Variants in PTPRS observed in about 807,000 individuals in gnomAD.
The protein encoded by PTPRS is protein tyrosine phosphatase receptor type S.
In PTPRS, 63 loss-of-function variants were observed where a neutral mutation model predicts 215.3. That is an observed-to-expected ratio of 0.29 (90% CI 0.24 to 0.36). The LOEUF (loss-of-function observed/expected upper bound fraction) is 0.36, where lower values mean the gene tolerates loss of function less well. Ranked by LOEUF, PTPRS falls within the 10% of genes least tolerant of loss-of-function variation. The probability of loss-of-function intolerance (pLI) is 1.00; values close to 1 mark genes in which losing one functional copy is unlikely to be tolerated. For missense variants in PTPRS, 2,258 were observed against 2,825.8 expected (o/e 0.80, Z 4.56); for synonymous variants, 1,404 against 1,191.4 (o/e 1.18, Z -3.68).
chr19:5,331,127 T>TAAAAAA (rs1568622692), intron 1 of PTPRS, among the ~76,000 whole-genome samples: 15 of 80,698 alleles, frequency 1.9e-4, no homozygotes, highest in African/African-American at 6.6e-4. Context: ...GCTTCTTTTT[T>TAAAAAA]TAAAAAAAAA....
Position 5,287,963 on chromosome 19 carries a change from G to GGC in PTPRS, c.-94-1731_-94-1730dup, listed in dbSNP as rs1267727266. 8.1e-5 allele frequency among the ~76,000 whole-genome samples: 7 copies of GGC among 86,644 alleles called. No individual in the cohort carries two copies. The highest frequency in any genetic ancestry group is 1.6e-4 in the African/African-American group (3 of 18,272). 56.8% of individuals were successfully genotyped at this position (86,644 alleles called of 152,430 possible). A position where few individuals can be genotyped will look rare whatever the true frequency, so the allele number is the denominator to read the frequency against. On this transcript the variant is annotated intron_variant, in intron 1 of 37. Coordinates refer to ENST00000262963, the MANE Select transcript of PTPRS (RefSeq NM_002850.4). The surrounding 1 kb of genome is among the most constrained non-coding windows in gnomAD (Gnocchi z 4.8). ...TTCACACAGTCAGGCAGCAGAGACG[G>GGC]GCACACACACACACACACACACACA...
intron 18 of PTPRS, among the ~76,000 whole-genome samples, 171 bp from the exon 19 acceptor site, chr19:5,222,391 T>TGTCCC (rs1568402435): frequency 4.7e-5 from 7 of 149,088 alleles, no homozygotes; most frequent in Non-Finnish European, 8.9e-5. Context: ...TGCCCTGTCC[T>TGTCCC]GTCCCAAGTC....
At position 5,210,413 on chromosome 19, in the gene PTPRS, CCCTTTCCAGAT is replaced by C. The variant is rs1406336412; in HGVS notation, c.5487+45_5487+55del. 4.3e-5 allele frequency: 70 copies of C among 1,610,996 alleles called. No individual in the cohort carries two copies. The African/African-American group carries it at 8.7e-4, about 20-fold the overall frequency. On this transcript the variant is annotated intron_variant, in intron 35 of 37. Coordinates refer to ENST00000262963, the MANE Select transcript of PTPRS (RefSeq NM_002850.4). This position sits in a 1 kb window ranked among gnomAD's most constrained non-coding sequence, Gnocchi z 4.5. ...TTGTATCCATCACCAACCAGGGCAG[CCCTTTCCAGAT>C]CACTAAGGCTCCAGCCCCTCCCGCC...
intron 2 of PTPRS, among the ~76,000 whole-genome samples, chr19:5,282,184 C>T (rs1380062958): frequency 1.3e-5 from 2 of 152,088 alleles, no homozygotes; most frequent in African/African-American, 2.4e-5. Flanking sequence ...TGCCTGCTCT[C>T]GGATTTGGAG....
At chr19:5,219,029 C>T (rs909705184) in intron 23 of PTPRS, 4 of 631,590 alleles carry the variant, frequency 6.3e-6, no homozygotes, top group Admixed American at 6.0e-5. Context: ...ACTACAATTG[C>T]TATCCTCATT....
chr19:5,228,347 GA>G (rs71170899), intron 16 of PTPRS, among the ~76,000 whole-genome samples: 15 of 105,886 alleles, frequency 1.4e-4, no homozygotes, highest in Admixed American at 1.8e-4. Flanking sequence ...TCCGTCTGGA[GA>G]AAAAAAAAAA....
intron 7 of PTPRS, among the ~76,000 whole-genome samples, chr19:5,259,771 C>A (rs2045842478): frequency 6.6e-6 from 1 of 152,160 alleles, no homozygotes; most frequent in Non-Finnish European, 1.5e-5. Context: ...AGCTTTCCAG[C>A]CTTGTTTGTG....
At chr19:5,216,802 G>C in intron 25 of PTPRS, 35 bp from the exon 26 acceptor site, 1 of 1,465,232 alleles carries the variant, frequency 6.8e-7, no homozygotes, top group Non-Finnish European at 9.4e-7. Flanking sequence ...ATGAAAACAT[G>C]CAGGGGGTAG....
chr19:5,267,214 G>A (rs910735148), intron 4 of PTPRS, among the ~76,000 whole-genome samples: 16 of 151,622 alleles, frequency 1.1e-4, no homozygotes, highest in Admixed American at 4.6e-4. Context: ...TGATGTGGGG[G>A]CGGGGGGGAG....
At chr19:5,333,993 C>T (rs1431179576) in intron 1 of PTPRS, among the ~76,000 whole-genome samples, 2 of 145,922 alleles carry the variant, frequency 1.4e-5, no homozygotes, top group East Asian at 2.2e-4. Context: ...GGTGATCACT[C>T]GGGCCCACCA....
Position 5,208,074 on chromosome 19 carries a change from G to T in PTPRS, c.5643-17C>A, listed in dbSNP as rs764663502. 11 of 1,606,420 alleles carry T rather than the reference G, an allele frequency of 6.8e-6. No individual in the cohort carries two copies. In the Admixed American group the frequency reaches 1.8e-4, roughly 27 times the overall value. On this transcript the variant is annotated splice_polypyrimidine_tract_variant and intron_variant, in intron 36 of 37. Coordinates refer to ENST00000262963, the MANE Select transcript of PTPRS (RefSeq NM_002850.4). ...ACGCCGGCACTGGTGGCAGTAAAGT[G>T]AGCACAGCCATTCAGGGGCAGGTGC...
At chr19:5,330,866 G>A (rs2147276491) in intron 1 of PTPRS, among the ~76,000 whole-genome samples, 1 of 152,286 alleles carries the variant, frequency 6.6e-6, no homozygotes, top group East Asian at 1.9e-4. Flanking sequence ...ATATCTGGGA[G>A]TTGAAGCCAG....
At chr19:5,260,876 G>C in intron 6 of PTPRS, 54 bp from the exon 7 acceptor site, 1 of 1,602,710 alleles carries the variant, frequency 6.2e-7, no homozygotes, top group Non-Finnish European at 8.5e-7. Flanking sequence ...TTGTTGGGGG[G>C]CCGGGGGGCC....
intron 9 of PTPRS, 40 bp from the exon 10 acceptor site, chr19:5,246,085 AGGGGTGAGGT>A: frequency 3.8e-6 from 3 of 794,320 alleles, no homozygotes; most frequent in African/African-American, 4.3e-5. Flanking sequence ...GGGAGATGCG[AGGGGTGAGGT>A]GGGGTGAGGT....
At chr19:5,277,324 C>T (rs952667936) in intron 2 of PTPRS, among the ~76,000 whole-genome samples, 3 of 151,962 alleles carry the variant, frequency 2.0e-5, no homozygotes, top group African/African-American at 7.3e-5. Flanking sequence ...CAAGTGAATG[C>T]CAGGCTATCT....
At chr19:5,246,673 G>A (rs1599670082) in intron 9 of PTPRS, among the ~76,000 whole-genome samples, 1 of 152,230 alleles carries the variant, frequency 6.6e-6, no homozygotes, top group South Asian at 2.1e-4. Flanking sequence ...GACAGAGGGA[G>A]CCTGAGATGT....
At chr19:5,264,936 G>T in intron 5 of PTPRS, 72 bp downstream of exon 5, 1 of 1,525,374 alleles carries the variant, frequency 6.6e-7, no homozygotes. Context: ...CCCAGAACTT[G>T]GGCCCTGGAG....
chr19:5,258,456 A>C (rs2045741784), intron 7 of PTPRS, among the ~76,000 whole-genome samples: 1 of 152,202 alleles, frequency 6.6e-6, no homozygotes, highest in Non-Finnish European at 1.5e-5. Flanking sequence ...AGAAAGCACT[A>C]AGTGATGCTC....
At position 5,214,583 on chromosome 19, in the gene PTPRS, G is replaced by A. The variant is rs768496731; in HGVS notation, c.4472C>T (p.Thr1491Met). ...EQRSATIVMMTRLEEKSRIKC... is the reference protein window; with the variant it reads ...EQRSATIVMMMRLEEKSRIKC... ...CACCCGTGACTTCTCCTCCAGCCGC[G>A]TCATCATGACGATGGTCGCCGACCG... The change falls in exon 29 of 38, where the codon ACG becomes ATG. Residue 1491 changes from threonine to methionine, a missense_variant. Physicochemically the swap from Thr to Met is moderately conservative, Grantham distance 81 (BLOSUM62 -1). Around this residue, in one of 6 missense-constraint regions of PTPRS, gnomAD observed 927 missense variants for 1,125.9 expected, o/e 0.82. Transcript: ENST00000262963. The A allele has an allele frequency of 8.7e-6, 14 of 1,612,010 alleles. No homozygotes were observed. Among genetic ancestry groups the A allele is most frequent in the East Asian group, 2.2e-5 (1 of 44,810 alleles).
Sources: gnomAD v4.1 joint callset for allele counts (sites outside exome capture counted in the v4.1 genomes callset) on GRCh38, gnomAD v4.1.1 for gene constraint, gnomAD v4.1.1 regional missense constraint, Gnocchi (gnomAD v3.1) non-coding constraint, MANE v1.5 for transcripts, NCBI Gene and HGNC (gene_info 2026-07-23, HGNC 2026-07-21) for gene names.